The following PRKCH variants were observed in gnomAD, a reference collection of about 807,000 sequenced individuals.
PRKCH encodes the protein protein kinase C eta type.
PRKCH carries 28 observed loss-of-function variants against 82.5 expected under a neutral mutation model. That is an observed-to-expected ratio of 0.34 (90% CI 0.25 to 0.47). PRKCH has a LOEUF of 0.47. Ranked by LOEUF, PRKCH falls within the 20% of genes least tolerant of loss-of-function variation. The pLI is 1.00. For missense variants in PRKCH, 705 were observed against 881.8 expected (o/e 0.80, Z 2.54); for synonymous variants, 322 against 327.4 (o/e 0.98, Z 0.18).
chr14:61,535,293 G>A (rs952885498), intron 12 of PRKCH, among the ~76,000 whole-genome samples: 1 of 152,150 alleles, frequency 6.6e-6, no homozygotes, highest in Non-Finnish European at 1.5e-5. Flanking sequence ...TTGGGGTGGG[G>A]AGGGAGAAAG....
rs897500198 is a variant in PRKCH at position 61,464,290 on chromosome 14, G to T, written c.1278+6611G>T. 1.1e-4 allele frequency among the ~76,000 whole-genome samples: 16 copies of T among 151,646 alleles called. No homozygotes were observed. In the East Asian group the frequency reaches 2.5e-3, roughly 24 times the overall value. On this transcript the variant is annotated intron_variant, in intron 9 of 13. Transcript: ENST00000332981. ...AGGTATGACATAATATCTCATTGTG[G>T]TTTTAATCTGCATATCCCCAATGAT...
chr14:61,332,035 A>G (rs982836894), intron 1 of PRKCH, among the ~76,000 whole-genome samples: 1 of 152,180 alleles, frequency 6.6e-6, no homozygotes, highest in African/African-American at 2.4e-5. Flanking sequence ...GTTCTATGGG[A>G]TGGTTGTAAG....
chr14:61,295,589 A>G (rs1470238231), intron 1 of PRKCH, among the ~76,000 whole-genome samples: 1 of 152,230 alleles, frequency 6.6e-6, no homozygotes, highest in Non-Finnish European at 1.5e-5. Context: ...TAAATGGGGT[A>G]ATGCCGAATC....
intron 1 of PRKCH, among the ~76,000 whole-genome samples, chr14:61,310,864 T>G (rs1436421627): frequency 2.0e-5 from 3 of 152,256 alleles, no homozygotes; most frequent in Non-Finnish European, 4.4e-5. Context: ...TTCTCCAACC[T>G]CAATTATTGA....
Position 61,533,294 on chromosome 14 carries a change from TA to T in PRKCH, c.1761+2712del, listed in dbSNP as rs35130617. 6.1e-3 allele frequency among the ~76,000 whole-genome samples: 871 copies of T among 143,652 alleles called. 14 individuals carry two copies. The highest frequency in any genetic ancestry group is 0.021 in the African/African-American group (798 of 38,480). 94.2% of individuals were successfully genotyped at this position (143,652 alleles called of 152,430 possible). A position where few individuals can be genotyped will look rare whatever the true frequency, so the allele number is the denominator to read the frequency against. ...CTTAAATGTTGTCAGATAAAATTAC[TA>T]AAAAAAAAAAAATCACTAAGAGGAT... On this transcript the variant is annotated intron_variant, in intron 12 of 13. Transcript: ENST00000332981.
intron 2 of PRKCH, among the ~76,000 whole-genome samples, chr14:61,430,911 C>T (rs1038916590): frequency 2.0e-5 from 3 of 152,150 alleles, no homozygotes; most frequent in South Asian, 2.1e-4. Flanking sequence ...CGTGCCACCA[C>T]GCCTGGCTAA....
chr14:61,461,630 G>C (rs1885033107), intron 9 of PRKCH, among the ~76,000 whole-genome samples: 1 of 152,208 alleles, frequency 6.6e-6, no homozygotes, highest in African/African-American at 2.4e-5. Context: ...TACTACTGCT[G>C]AAGCAAAGAA....
At chr14:61,309,960 A>C (rs2045509142) in intron 1 of PRKCH, among the ~76,000 whole-genome samples, 1 of 152,104 alleles carries the variant, frequency 6.6e-6, no homozygotes, top group South Asian at 2.1e-4. Flanking sequence ...GCAAAAGGGA[A>C]AGAACCCCTT....
intron 9 of PRKCH, among the ~76,000 whole-genome samples, chr14:61,462,593 A>C (rs1054928864): frequency 1.2e-4 from 18 of 152,240 alleles, no homozygotes; most frequent in African/African-American, 4.3e-4. Context: ...TTACTGTTGG[A>C]AAACTAACTA....
chr14:61,310,686 C>G (rs766010907), intron 1 of PRKCH, among the ~76,000 whole-genome samples: 12 of 152,248 alleles, frequency 7.9e-5, no homozygotes, highest in Admixed American at 2.6e-4. Context: ...CCTTTTCTCA[C>G]AGCTCCACTA....
chr14:61,445,920 C>T (rs1027286836), intron 4 of PRKCH, among the ~76,000 whole-genome samples, 194 bp downstream of exon 4: 14 of 151,992 alleles, frequency 9.2e-5, no homozygotes, highest in Non-Finnish European at 1.8e-4. Context: ...GTAAAGGGGA[C>T]GTTTTTATTT....
chr14:61,391,350 A>C, intron 2 of PRKCH, 62 bp downstream of exon 2: 1 of 1,343,774 alleles, frequency 7.4e-7, no homozygotes, highest in Non-Finnish European at 1.0e-6. Context: ...CTCAGTAGGA[A>C]TTTCTATCAT....
intron 1 of PRKCH, among the ~76,000 whole-genome samples, chr14:61,196,878 T>C (rs569846795): frequency 6.6e-6 from 1 of 152,322 alleles, no homozygotes; most frequent in South Asian, 2.1e-4. Flanking sequence ...ATCTTTTTTA[T>C]TAAGTGCTAT....
chr14:61,256,020 T>C (rs1453216992), intron 1 of PRKCH, among the ~76,000 whole-genome samples: 2 of 152,152 alleles, frequency 1.3e-5, no homozygotes, highest in Non-Finnish European at 2.9e-5. Context: ...GTGCATAAAG[T>C]TTAGTGGCGC....
chr14:61,395,098 C>T lies in PRKCH; in HGVS notation c.427+3810C>T, dbSNP rs532783320. ...GCTAAAATTTTAATATTGAAATCTACGGGTGGGGTATATTTTAGGAACCCC... is the reference window on the plus strand; with the variant it reads ...GCTAAAATTTTAATATTGAAATCTATGGGTGGGGTATATTTTAGGAACCCC... On this transcript the variant is annotated intron_variant, in intron 2 of 13. Coordinates refer to ENST00000332981, the MANE Select transcript of PRKCH (RefSeq NM_006255.5). Among the ~76,000 whole-genome samples, 3 of 152,140 alleles carry T rather than the reference C, an allele frequency of 2.0e-5. No homozygotes were observed. In the South Asian group the frequency reaches 6.2e-4, roughly 32 times the overall value.
At chr14:61,526,421 A>G (rs139932814) in intron 10 of PRKCH, among the ~76,000 whole-genome samples, 1 of 152,230 alleles carries the variant, frequency 6.6e-6, no homozygotes, top group Non-Finnish European at 1.5e-5. Context: ...GATCTGTGCC[A>G]TGAAAGCTTT....
chr14:61,437,555 G>C (rs1204709823), intron 2 of PRKCH, among the ~76,000 whole-genome samples: 1 of 152,174 alleles, frequency 6.6e-6, no homozygotes, highest in African/African-American at 2.4e-5. Flanking sequence ...CCTCACTTCT[G>C]TCATTGGCTG....
intron 12 of PRKCH, among the ~76,000 whole-genome samples, chr14:61,538,870 C>T (rs960350847): frequency 6.6e-6 from 1 of 152,178 alleles, no homozygotes; most frequent in Non-Finnish European, 1.5e-5. Flanking sequence ...GGGTACTGGC[C>T]TTGATTTCAT....
At position 61,313,360 on chromosome 14, in the gene PRKCH, A is replaced by T. The variant is rs145514136; in HGVS notation, c.-19+125692A>T. Among the ~76,000 whole-genome samples the T allele has an allele frequency of 2.6e-5, 4 of 152,368 alleles. No individual in the cohort carries two copies. The East Asian group carries it at 7.7e-4, about 29-fold the overall frequency. On this transcript the variant is annotated intron_variant, in intron 1 of 3. Coordinates refer to the PRKCH transcript ENST00000555185. The stretch of plus-strand genomic sequence containing the variant: ...AGCTATATTAATAATAGCTTTAGAG[A>T]AAATGATTACTATTTTAAACCATAT...
Sources: allele counts gnomAD v4.1 joint callset (sites outside exome capture counted in the v4.1 genomes callset), GRCh38; gene constraint gnomAD v4.1.1; transcripts MANE v1.5; gene names NCBI Gene and HGNC (gene_info 2026-07-23, HGNC 2026-07-21).